Variants in PAPOLA observed in about 807,000 individuals in gnomAD.
PAPOLA encodes polynucleotide adenylyltransferase alpha.
Under a neutral mutation model 100.6 loss-of-function variants are expected in PAPOLA, and 15 were observed. The ratio of observed to expected loss-of-function variants is 0.15; its 90% CI spans 0.10 to 0.23. The LOEUF (loss-of-function observed/expected upper bound fraction) is 0.23. Among genes scored for constraint, PAPOLA ranks in the 10% least tolerant of loss-of-function variants. PAPOLA has a pLI of 1.00. For synonymous variants in PAPOLA, 293 were observed against 300.0 expected, an observed-to-expected ratio of 0.98 and a Z score of 0.24; for missense variants, 533 against 884.2, an observed-to-expected ratio of 0.60 and a Z score of 5.04.
At chr14:96,528,509 G>A (rs1214474540) in intron 6 of PAPOLA, among the ~76,000 whole-genome samples, 1 of 152,138 alleles carries the variant, frequency 6.6e-6, no homozygotes, top group Non-Finnish European at 1.5e-5. Context: ...TGACAGTGAA[G>A]CAACTTTAGT....
At chr14:96,548,009 A>C (rs1384572700) in intron 16 of PAPOLA, 91 bp downstream of exon 16, 3 of 1,112,436 alleles carry the variant, frequency 2.7e-6, no homozygotes, top group Admixed American at 5.0e-5. Flanking sequence ...CTCAGTTAAT[A>C]AGTCATTTTA....
intron 1 of PAPOLA, among the ~76,000 whole-genome samples, chr14:96,503,271 C>G (rs763157382): frequency 6.6e-6 from 1 of 152,222 alleles, no homozygotes; most frequent in Non-Finnish European, 1.5e-5. Flanking sequence ...TCCAAAACGA[C>G]TTATGTATTG....
intron 11 of PAPOLA, 107 bp downstream of exon 11, chr14:96,536,106 G>A: frequency 1.3e-6 from 1 of 790,970 alleles, no homozygotes. Flanking sequence ...TCACTGAAGT[G>A]GATTTTGGTG....
intron 12 of PAPOLA, 56 bp from the exon 13 acceptor site, chr14:96,542,187 T>C: frequency 9.2e-7 from 1 of 1,087,766 alleles, no homozygotes; most frequent in Non-Finnish European, 1.4e-6. Context: ...TATGGTTTAA[T>C]ATCCAGCACA....
chr14:96,537,729 A>G (rs771616325), intron 12 of PAPOLA: 5 of 152,024 alleles, frequency 3.3e-5, no homozygotes, highest in Non-Finnish European at 7.4e-5. Context: ...CAAACCACAG[A>G]CTTGCACTTT....
At chr14:96,561,283 A>G (rs1170691708) in intron 20 of PAPOLA, among the ~76,000 whole-genome samples, 1 of 152,032 alleles carries the variant, frequency 6.6e-6, no homozygotes, top group African/African-American at 2.4e-5. Flanking sequence ...TTTTCCCTAG[A>G]AATTGAAATC....
chr14:96,557,590 T>G (rs979581541), intron 19 of PAPOLA, among the ~76,000 whole-genome samples: 4 of 151,332 alleles, frequency 2.6e-5, no homozygotes, highest in Non-Finnish European at 4.4e-5. Flanking sequence ...TTGCTAAGAA[T>G]GTATTTAGTA....
rs771036657 is a variant in PAPOLA, at chr14:96,556,345, A to G, written c.1936A>G (p.Ile646Val). ...TGCAGCAACAAAAATACCTACTCCT[A>G]TAGTAGGAGTCAAGAGGACATCCTC... is the stretch of plus-strand genomic sequence containing the variant. ...GNAATKIPTP[I>V]VGVKRTSSPH... Residue 646 changes from isoleucine to valine, a missense_variant, in exon 19 of 22, where the codon ATA becomes GTA. Ile to Val is a conservative substitution (Grantham distance 29). Coordinates refer to ENST00000216277, the MANE Select transcript of PAPOLA (RefSeq NM_032632.5). The G allele has an allele frequency of 1.9e-6, 3 of 1,613,994 alleles. No homozygotes were observed. In the South Asian group the frequency reaches 3.3e-5, roughly 18 times the overall value.
At chr14:96,513,585 G>A (rs1897244791) in intron 1 of PAPOLA, among the ~76,000 whole-genome samples, 1 of 152,132 alleles carries the variant, frequency 6.6e-6, no homozygotes, top group South Asian at 2.1e-4. Context: ...GATGTAACAA[G>A]TTTGCTTTCA....
chr14:96,559,914 A>G (rs1901700634), intron 19 of PAPOLA, among the ~76,000 whole-genome samples: 1 of 152,096 alleles, frequency 6.6e-6, no homozygotes, highest in African/African-American at 2.4e-5. Flanking sequence ...AGTTTTACAT[A>G]TCAGTCAGTA....
At position 96,560,696 on chromosome 14, in the gene PAPOLA, TAAAAC is replaced by T; in HGVS notation, c.2054_2058del (p.Lys685ArgfsTer7). 1 of 1,598,716 alleles carries T rather than the reference TAAAAC, an allele frequency of 6.3e-7. No individual in the cohort carries two copies. Among genetic ancestry groups the T allele is most frequent in the Non-Finnish European group, 8.6e-7 (1 of 1,166,892 alleles). On this transcript the variant is annotated frameshift_variant, in exon 20 of 22. Coordinates refer to ENST00000216277, the MANE Select transcript of PAPOLA (RefSeq NM_032632.5). LOFTEE classifies it high-confidence loss of function. ...ACTGTCTTGCTTTGAGTGGACATGATAAAACAGAAGCAAAGGTATACTAATTTAGC... is the reference window on the plus strand; with the variant it reads ...ACTGTCTTGCTTTGAGTGGACATGATAGAAGCAAAGGTATACTAATTTAGC...
At chr14:96,547,249 G>C (rs978038494) in intron 15 of PAPOLA, among the ~76,000 whole-genome samples, 10 of 151,818 alleles carry the variant, frequency 6.6e-5, no homozygotes. Flanking sequence ...GGGCCCTCTG[G>C]ATCTAAATAA....
intron 1 of PAPOLA, chr14:96,502,821 C>T (rs1030238309): frequency 2.2e-6 from 1 of 463,428 alleles, no homozygotes; most frequent in Middle Eastern, 5.8e-4. Context: ...CTGGCTGGGT[C>T]AGCTGCCGTC....
intron 12 of PAPOLA, among the ~76,000 whole-genome samples, chr14:96,539,484 TTAAG>T (rs1266183557): frequency 6.6e-6 from 1 of 152,140 alleles, no homozygotes; most frequent in Non-Finnish European, 1.5e-5. Flanking sequence ...AGTAACTAAA[TTAAG>T]TGTTTTTAGG....
In PAPOLA at chr14:96,515,146, T is replaced by C. The variant is rs551125095; in HGVS notation, c.9-4909T>C. On this transcript the variant is annotated intron_variant, in intron 1 of 21. Coordinates refer to ENST00000216277, the MANE Select transcript of PAPOLA (RefSeq NM_032632.5). ...GAATAGTTGAAAACGAATTGTTATATAGAATGTTAAAATTAAAACAATTAA... is the reference window on the plus strand; with the variant it reads ...GAATAGTTGAAAACGAATTGTTATACAGAATGTTAAAATTAAAACAATTAA... Among the ~76,000 whole-genome samples, 3 of 152,350 alleles carry C rather than the reference T, an allele frequency of 2.0e-5. No homozygotes were observed. In the South Asian group the frequency reaches 6.2e-4, roughly 32 times the overall value.
chr14:96,534,670 A>G (rs1899363134), intron 10 of PAPOLA, 107 bp downstream of exon 10: 2 of 1,573,364 alleles, frequency 1.3e-6, no homozygotes, highest in Non-Finnish European at 1.7e-6. Flanking sequence ...ATGAATGGTC[A>G]TGTCCGTATT....
At chr14:96,531,249 C>G (rs777533615) in intron 6 of PAPOLA, among the ~76,000 whole-genome samples, 1 of 151,902 alleles carries the variant, frequency 6.6e-6, no homozygotes, top group African/African-American at 2.4e-5. Flanking sequence ...GATCCGCCTG[C>G]CCAGGCCTCC....
intron 3 of PAPOLA, among the ~76,000 whole-genome samples, chr14:96,521,924 C>T (rs1898001734): frequency 6.6e-6 from 1 of 152,048 alleles, no homozygotes; most frequent in Non-Finnish European, 1.5e-5. Context: ...GCCTCAGCCT[C>T]CTGAGTAGCT....
chr14:96,504,055 A>G (rs1434486300), intron 1 of PAPOLA, among the ~76,000 whole-genome samples: 1 of 152,190 alleles, frequency 6.6e-6, no homozygotes, highest in African/African-American at 2.4e-5. Context: ...CTTTCATAGA[A>G]TAAGAGACCC....
Sources: gnomAD v4.1 joint callset for allele counts (sites outside exome capture counted in the v4.1 genomes callset) on GRCh38, gnomAD v4.1.1 for gene constraint, MANE v1.5 for transcripts, NCBI Gene and HGNC (gene_info 2026-07-23, HGNC 2026-07-21) for gene names.